The following ARSB variants were observed in gnomAD, a reference collection of about 807,000 sequenced individuals.
ARSB encodes N-acetylgalactosamine-4-sulfatase.
A neutral mutation model predicts 50.9 loss-of-function variants in ARSB; 41 were observed. That is an observed-to-expected ratio of 0.81 (90% CI 0.63 to 1.04). ARSB has a LOEUF of 1.04. Ranked by LOEUF, ARSB falls within the 50% of genes least tolerant of loss-of-function variation. ARSB has a pLI of 0.00. For missense variants in ARSB, 672 were observed against 693.3 expected (o/e 0.97, Z 0.35); for synonymous variants, 269 against 284.8 (o/e 0.94, Z 0.56).
intron 5 of ARSB, among the ~76,000 whole-genome samples, chr5:78,865,970 A>G (rs982620315): frequency 6.6e-6 from 1 of 152,168 alleles, no homozygotes; most frequent in Non-Finnish European, 1.5e-5. Context: ...ACAAATCTCT[A>G]GGAGGTTCCA....
At chr5:78,862,942 A>G (rs918059580) in intron 5 of ARSB, among the ~76,000 whole-genome samples, 3 of 152,246 alleles carry the variant, frequency 2.0e-5, no homozygotes, top group Non-Finnish European at 4.4e-5. Flanking sequence ...AAAGGTGGGC[A>G]AAGGATATGA....
At chr5:78,937,451 T>C (rs1448347446) in intron 4 of ARSB, among the ~76,000 whole-genome samples, 3 of 145,240 alleles carry the variant, frequency 2.1e-5, no homozygotes, top group Non-Finnish European at 4.5e-5. Flanking sequence ...ATATATCTTA[T>C]ATATATAATG....
rs763353963 is a variant in ARSB at position 78,781,836 on chromosome 5, A to G, written c.1336+16T>C. On this transcript the variant is annotated intron_variant, in intron 7 of 7. Transcript: ENST00000264914. ...TCTACCACGGGAAGGGAAGTTTGCT[A>G]AGCTAAGGACTCTACCTGGGTAGCC... is the stretch of plus-strand genomic sequence containing the variant. 1 of 1,613,964 alleles carries G rather than the reference A, an allele frequency of 6.2e-7. No homozygotes were observed. The highest frequency in any genetic ancestry group is 2.2e-5 in the East Asian group (1 of 44,868).
intron 5 of ARSB, among the ~76,000 whole-genome samples, chr5:78,863,166 A>G (rs1047913688): frequency 6.6e-6 from 1 of 152,220 alleles, no homozygotes; most frequent in African/African-American, 2.4e-5. Context: ...GTGGGAGTGT[A>G]AACTAGTTCA....
At chr5:78,889,501 A>G (rs1405554585) in intron 4 of ARSB, among the ~76,000 whole-genome samples, 2 of 152,206 alleles carry the variant, frequency 1.3e-5, no homozygotes, top group South Asian at 4.1e-4. Context: ...ACGTTTTTTC[A>G]GGGAGATGGT....
At chr5:78,801,170 G>C (rs139148999) in intron 6 of ARSB, among the ~76,000 whole-genome samples, 4 of 152,238 alleles carry the variant, frequency 2.6e-5, no homozygotes, top group African/African-American at 9.6e-5. Context: ...ACATCTCCAT[G>C]TTCATTATAC....
intron 6 of ARSB, among the ~76,000 whole-genome samples, chr5:78,823,312 G>C (rs1057435127): frequency 4.6e-5 from 7 of 152,140 alleles, no homozygotes; most frequent in South Asian, 2.1e-4. Flanking sequence ...ACTTTGGCCT[G>C]GTGTGTAATA....
intron 5 of ARSB, among the ~76,000 whole-genome samples, chr5:78,867,386 C>G (rs1018382838): frequency 6.6e-6 from 1 of 152,110 alleles, no homozygotes; most frequent in Non-Finnish European, 1.5e-5. Flanking sequence ...AACAAAAAGA[C>G]AGCAGTAACC....
chr5:78,962,581 G>A (rs3822577), intron 3 of ARSB, among the ~76,000 whole-genome samples: 37,892 of 141,872 alleles, frequency 0.27, 6,087 homozygotes, highest in African/African-American at 0.47. Flanking sequence ...AGGCTGGAGT[G>A]TAGTGGTGCG....
intron 4 of ARSB, among the ~76,000 whole-genome samples, chr5:78,952,843 T>C (rs1489211378): frequency 6.6e-6 from 1 of 152,218 alleles, no homozygotes; most frequent in African/African-American, 2.4e-5. Context: ...TTTTATAAAC[T>C]TATGACTTCC....
intron 4 of ARSB, among the ~76,000 whole-genome samples, chr5:78,931,360 C>T (rs1750319764): frequency 6.6e-6 from 1 of 152,012 alleles, no homozygotes; most frequent in Non-Finnish European, 1.5e-5. Flanking sequence ...ACTGGTGCCC[C>T]CTTTGAAACC....
chr5:78,953,928 A>G (rs147821052), intron 4 of ARSB, among the ~76,000 whole-genome samples: 68 of 152,338 alleles, frequency 4.5e-4, no homozygotes, highest in African/African-American at 1.5e-3. Flanking sequence ...CTTTGGGGAA[A>G]CAAGTTATGA....
chr5:78,879,755 C>G (rs1369772756), intron 5 of ARSB, among the ~76,000 whole-genome samples: 1 of 152,184 alleles, frequency 6.6e-6, no homozygotes, highest in Non-Finnish European at 1.5e-5. Flanking sequence ...TATCAGCAGG[C>G]AGGGGTGCCA....
chr5:78,918,897 G>A (rs539822257), intron 4 of ARSB, among the ~76,000 whole-genome samples: 31 of 152,230 alleles, frequency 2.0e-4, no homozygotes, highest in African/African-American at 6.7e-4. Context: ...TCACCCCTCT[G>A]CCGATGAAAG....
intron 6 of ARSB, among the ~76,000 whole-genome samples, chr5:78,793,728 G>C (rs1478578536): frequency 6.6e-6 from 1 of 152,140 alleles, no homozygotes; most frequent in African/African-American, 2.4e-5. Flanking sequence ...GAGACAAGCA[G>C]TGATGATCAA....
chr5:78,945,970 T>C (rs902669125), intron 4 of ARSB, among the ~76,000 whole-genome samples: 1 of 152,218 alleles, frequency 6.6e-6, no homozygotes, highest in African/African-American at 2.4e-5. Flanking sequence ...TCCCACTGCA[T>C]AATAATAATA....
chr5:78,889,667 A>C (rs1437208660), intron 4 of ARSB, among the ~76,000 whole-genome samples: 1 of 152,228 alleles, frequency 6.6e-6, no homozygotes, highest in Admixed American at 6.5e-5. Flanking sequence ...AAAGTCATGG[A>C]AAAATATTGG....
chr5:78,880,253 C>G (rs1366253464), intron 5 of ARSB, among the ~76,000 whole-genome samples: 1 of 152,222 alleles, frequency 6.6e-6, no homozygotes, highest in Non-Finnish European at 1.5e-5. Flanking sequence ...TCAACATAAT[C>G]TTAAGGTTGA....
intron 4 of ARSB, among the ~76,000 whole-genome samples, chr5:78,915,799 T>C (rs1218843231): frequency 6.6e-6 from 1 of 152,210 alleles, no homozygotes; most frequent in Non-Finnish European, 1.5e-5. Context: ...TTATACAATA[T>C]TTTAAATAAT....
Sources: gnomAD v4.1 joint callset for allele counts (sites outside exome capture counted in the v4.1 genomes callset) on GRCh38, gnomAD v4.1.1 for gene constraint, MANE v1.5 for transcripts, NCBI Gene and HGNC (gene_info 2026-07-23, HGNC 2026-07-21) for gene names.